Variants in TP53I3 observed in about 807,000 individuals in gnomAD.
TP53I3 encodes quinone oxidoreductase PIG3.
TP53I3 carries 32 observed loss-of-function variants against 27.7 expected under a neutral mutation model. The observed-to-expected ratio is 1.16, with a 90% CI of 0.87 to 1.55. The LOEUF is 1.55. Ranked by LOEUF, TP53I3 falls within the 40% of genes most tolerant of loss-of-function variation. The pLI is 0.00. For missense variants in TP53I3, 372 were observed against 412.3 expected, an observed-to-expected ratio of 0.90 and a Z score of 0.85; for synonymous variants, 138 against 167.8, an observed-to-expected ratio of 0.82 and a Z score of 1.37.
rs569842116 is a variant in TP53I3, at chr2:24,081,955, A to G, written c.407-924T>C. 1.7e-4 allele frequency among the ~76,000 whole-genome samples: 25 copies of G among 151,496 alleles called. No individual in the cohort carries two copies. The South Asian group carries it at 5.2e-3, about 32-fold the overall frequency. ...CATGATCCACCCACCTCAGCCGCCCAAAGTGCTGGGATTACAGGCGTGAGC... is the reference window on the plus strand; with the variant it reads ...CATGATCCACCCACCTCAGCCGCCCGAAGTGCTGGGATTACAGGCGTGAGC... On this transcript the variant is annotated intron_variant, in intron 2 of 4. Transcript: ENST00000238721.
rs915256047 is a variant in TP53I3, at chr2:24,077,771, G to A, written c.817-10C>T. 1 of 1,609,116 alleles carries A rather than the reference G, an allele frequency of 6.2e-7. No individual in the cohort carries two copies. The highest frequency in any genetic ancestry group is 1.1e-5 in the South Asian group (1 of 90,526). On this transcript the variant is annotated splice_polypyrimidine_tract_variant and intron_variant, in intron 4 of 4. Coordinates refer to ENST00000238721, the MANE Select transcript of TP53I3 (RefSeq NM_004881.5). The surrounding 1 kb of genome is among the most constrained non-coding windows in gnomAD (Gnocchi z 5.5). ...CCAGCATTTGCTTGTACTAAGACAAGGGAAAGGAGATCATCAGCCTGGGGA... is the reference window on the plus strand; with the variant it reads ...CCAGCATTTGCTTGTACTAAGACAAAGGAAAGGAGATCATCAGCCTGGGGA...
At chr2:24,079,926 C>A (rs1174350347) in intron 3 of TP53I3, among the ~76,000 whole-genome samples, 1 of 152,178 alleles carries the variant, frequency 6.6e-6, no homozygotes, top group African/African-American at 2.4e-5. Context: ...CCCACTGACA[C>A]CCAGGCACGA....
At position 24,084,163 on chromosome 2, in the gene TP53I3, C is replaced by T. The variant is rs1368139713; in HGVS notation, c.138+26G>A. On this transcript the variant is annotated intron_variant, in intron 1 of 4. Transcript: ENST00000238721. The surrounding 1 kb of genome is among the most constrained non-coding windows in gnomAD (Gnocchi z 8.4). ...GAGGGAGGCTCTGGAGTCCCGCCCG[C>T]CCCGGCGCGGCTGAGCCCTGGGTAC... The T allele has an allele frequency of 3.8e-6, 6 of 1,595,266 alleles. No individual in the cohort carries two copies. Among genetic ancestry groups the T allele is most frequent in the Non-Finnish European group, 4.3e-6 (5 of 1,172,476 alleles).
rs547556703 is a variant in TP53I3 at position 24,081,997 on chromosome 2, CTCTT to C, written c.406+884_406+887del. The stretch of plus-strand genomic sequence containing the variant: ...GGCGTGAGCCACCACGCCCAGCCTA[CTCTT>C]TCTTTTTCTTTGAGACAGAGTCTCA... On this transcript the variant is annotated intron_variant, in intron 2 of 4. Coordinates refer to ENST00000238721, the MANE Select transcript of TP53I3 (RefSeq NM_004881.5). 6.0e-5 allele frequency among the ~76,000 whole-genome samples: 9 copies of C among 151,080 alleles called. No individual in the cohort carries two copies. The South Asian group carries it at 1.9e-3, about 32-fold the overall frequency.
In TP53I3 at chr2:24,080,833, AGCGTT is replaced by A. The variant is rs748870898; in HGVS notation, c.600_604del (p.Thr201GlufsTer9). ...CAGTTGTTTACCTTTGGTGAATTTC[AGCGTT>A]GCTTCAGAGAAATCCTCTTTTTTGT... On this transcript the variant is annotated frameshift_variant, in exon 3 of 5. Coordinates refer to ENST00000238721, the MANE Select transcript of TP53I3 (RefSeq NM_004881.5). LOFTEE classifies it high-confidence loss of function. This position sits in a 1 kb window ranked among gnomAD's most constrained non-coding sequence, Gnocchi z 4.7. 1.1e-5 allele frequency: 18 copies of A among 1,614,204 alleles called. No homozygotes were observed. In the South Asian group the frequency reaches 1.9e-4, roughly 17 times the overall value.
rs952838944 is a variant in TP53I3 at position 24,084,084 on chromosome 2, G to A, written c.138+105C>T. ...AAGCCCCAGCGCAGCTGCCTGCTGG[G>A]TGTGGAGCGGTGCACGCCTTCACGT... On this transcript the variant is annotated intron_variant, in intron 1 of 4. Transcript: ENST00000238721. This position sits in a 1 kb window ranked among gnomAD's most constrained non-coding sequence, Gnocchi z 8.4. 4 of 1,450,038 alleles carry A rather than the reference G, an allele frequency of 2.8e-6. No homozygotes were observed. Among genetic ancestry groups the A allele is most frequent in the Non-Finnish European group, 3.6e-6 (4 of 1,100,650 alleles). The allele number at this position is 1,450,038 out of a possible 1,614,324, so 89.8% of individuals were successfully genotyped here.
Position 24,084,136 on chromosome 2 carries a change from G to A in TP53I3, c.138+53C>T. ...TGGTCAATGTCCACTGAGTGCTGTT[G>A]AGAGGGAGGCTCTGGAGTCCCGCCC... On this transcript the variant is annotated intron_variant, in intron 1 of 4. Transcript: ENST00000238721. This position sits in a 1 kb window ranked among gnomAD's most constrained non-coding sequence, Gnocchi z 8.4. 1.3e-6 allele frequency: 2 copies of A among 1,568,160 alleles called. No individual in the cohort carries two copies. Among genetic ancestry groups the A allele is most frequent in the Non-Finnish European group, 1.7e-6 (2 of 1,161,438 alleles).
At position 24,084,519 on chromosome 2, in the gene TP53I3, T is replaced by A; in HGVS notation, c.-193A>T. ...GCCCTGGTCTGCCGCGGACCCGGCC[T>A]CCGCCCCGAGCTCCTGCCTGGGAAG... On this transcript the variant is annotated 5_prime_UTR_variant, in exon 1 of 5. Coordinates refer to ENST00000238721, the MANE Select transcript of TP53I3 (RefSeq NM_004881.5). This position sits in a 1 kb window ranked among gnomAD's most constrained non-coding sequence, Gnocchi z 8.4. 1 of 722,834 alleles carries A rather than the reference T, an allele frequency of 1.4e-6. No individual in the cohort carries two copies. The highest frequency in any genetic ancestry group is 2.4e-5 in the South Asian group (1 of 40,976). The allele number at this position is 722,834 out of a possible 1,614,324, so 44.8% of individuals were successfully genotyped here.
chr2:24,079,598 T>C lies in TP53I3; in HGVS notation c.662A>G (p.Tyr221Cys), dbSNP rs1182908414. The C allele has an allele frequency of 1.2e-6, 2 of 1,613,942 alleles. No homozygotes were observed. The highest frequency in any genetic ancestry group is 1.7e-5 in the Admixed American group (1 of 59,986). ...CAGGCAGTTGACGTTCTTCTCCCAGTAGGATCCGCCTATGCAGTCTAGAAT... is the reference window on the plus strand; with the variant it reads ...CAGGCAGTTGACGTTCTTCTCCCAGCAGGATCCGCCTATGCAGTCTAGAAT... ...NLILDCIGGS[Y>C]WEKNVNCLAL... The change falls in exon 4 of 5, where the codon TAC (tyrosine) becomes TGC (cysteine). Residue 221 changes from tyrosine to cysteine, a missense_variant. Tyr to Cys is a radical substitution (Grantham distance 194). Transcript: ENST00000238721.
At chr2:24,079,128 A>C (rs1472659643) in intron 4 of TP53I3, 3 of 263,348 alleles carry the variant, frequency 1.1e-5, no homozygotes, top group Middle Eastern at 1.3e-3. Flanking sequence ...CACTGAGATG[A>C]ATTCTGCCTT....
In TP53I3 at chr2:24,077,901, A is replaced by C. The variant is rs1664829572; in HGVS notation, c.817-140T>G. On this transcript the variant is annotated intron_variant, in intron 4 of 4. Coordinates refer to ENST00000238721, the MANE Select transcript of TP53I3 (RefSeq NM_004881.5). The surrounding 1 kb of genome is among the most constrained non-coding windows in gnomAD (Gnocchi z 5.5). ...GACACTTAACCCCTCACTTCCTAGCATGTGTGTGAAATACCCTTGAAGGAG... is the reference window on the plus strand; with the variant it reads ...GACACTTAACCCCTCACTTCCTAGCCTGTGTGTGAAATACCCTTGAAGGAG... 3 of 842,942 alleles carry C rather than the reference A, an allele frequency of 3.6e-6. No homozygotes were observed. Among genetic ancestry groups the C allele is most frequent in the African/African-American group, 1.7e-5 (1 of 58,722 alleles). The allele number at this position is 842,942 out of a possible 1,614,324, so 52.2% of individuals were successfully genotyped here.
Position 24,082,976 on chromosome 2 carries a change from G to A in TP53I3, c.315C>T (p.Leu105=), listed in dbSNP as rs770889051. Residue 105 remains leucine (L), a synonymous_variant, in exon 2 of 5, where the codon CTC becomes CTT. Coordinates refer to ENST00000238721, the MANE Select transcript of TP53I3 (RefSeq NM_004881.5). ...QAQYVTVPEG[L]LMPIPEGLTL... is the part of the protein sequence containing the mutation. ...TCAATCCCTCTGGGATAGGCATGAGGAGCCCTTCGGGGACAGTGACGTACT... is the reference window on the plus strand; with the variant it reads ...TCAATCCCTCTGGGATAGGCATGAGAAGCCCTTCGGGGACAGTGACGTACT... 2.5e-6 allele frequency: 4 copies of A among 1,614,084 alleles called. No homozygotes were observed. Among genetic ancestry groups the A allele is most frequent in the Non-Finnish European group, 3.4e-6 (4 of 1,180,038 alleles).
intron 4 of TP53I3, among the ~76,000 whole-genome samples, chr2:24,078,421 A>G (rs948471283): frequency 6.7e-6 from 1 of 149,598 alleles, no homozygotes; most frequent in African/African-American, 2.5e-5. Context: ...TTAGCTACCC[A>G]GGAGGCTGAT....
At chr2:24,082,284 G>C (rs999078047) in intron 2 of TP53I3, among the ~76,000 whole-genome samples, 1 of 152,158 alleles carries the variant, frequency 6.6e-6, no homozygotes, top group Non-Finnish European at 1.5e-5. Flanking sequence ...TTGCCTGGCT[G>C]ATACTCTTTC....
At chr2:24,079,390 T>C (rs567335181) in intron 4 of TP53I3, 54 bp downstream of exon 4, 1 of 1,584,462 alleles carries the variant, frequency 6.3e-7, no homozygotes, top group Non-Finnish European at 8.6e-7. Flanking sequence ...GTAATGTAAA[T>C]GAACCACACT....
chr2:24,079,504 T>G lies in TP53I3; in HGVS notation c.756A>C (p.Ser252=). The G allele has an allele frequency of 6.2e-7, 1 of 1,614,140 alleles. No individual in the cohort carries two copies. The highest frequency in any genetic ancestry group is 2.2e-5 in the East Asian group (1 of 44,876). ...GACTTCCTCGCTTAAAAAGTAGCTTTGAAAACAGGGGCCCATTGATGTCAC... is the reference window on the plus strand; with the variant it reads ...GACTTCCTCGCTTAAAAAGTAGCTTGGAAAACAGGGGCCCATTGATGTCAC... ...GGGDINGPLF[S]KLLFKRGSLI... Residue 252 remains serine, a synonymous_variant, in exon 4 of 5, where the codon TCA becomes TCC. Transcript: ENST00000238721.
Position 24,084,252 on chromosome 2 carries a change from C to G in TP53I3, c.75G>C (p.Pro25=), listed in dbSNP as rs34704159. ...CCTTCAGGAGGACTTCACCCTCCCC[C>G]GGGCTCGGCTTGGCCACCTCCTTCA... ...LYVKEVAKPS[P]GEGEVLLKVA... The change falls in exon 1 of 5, where the codon CCG becomes CCC. Residue 25 remains proline, a synonymous_variant. Transcript: ENST00000238721. The surrounding 1 kb of genome is among the most constrained non-coding windows in gnomAD (Gnocchi z 8.4). The G allele has an allele frequency of 2.6e-5, 42 of 1,614,134 alleles. No homozygotes were observed. In the African/African-American group the frequency reaches 4.3e-4, roughly 16 times the overall value.
chr2:24,084,249 C>T lies in TP53I3; in HGVS notation c.78G>A (p.Gly26=), dbSNP rs776132443. Residue 26 remains glycine, a synonymous_variant, in exon 1 of 5, where the codon GGG becomes GGA. Coordinates refer to ENST00000238721, the MANE Select transcript of TP53I3 (RefSeq NM_004881.5). This position sits in a 1 kb window ranked among gnomAD's most constrained non-coding sequence, Gnocchi z 8.4. ...CCACCTTCAGGAGGACTTCACCCTC[C>T]CCCGGGCTCGGCTTGGCCACCTCCT... is the stretch of plus-strand genomic sequence containing the variant. ...YVKEVAKPSP[G]EGEVLLKVAA... is the part of the protein sequence containing the mutation. The T allele has an allele frequency of 5.0e-6, 8 of 1,614,008 alleles. No individual in the cohort carries two copies. The highest frequency in any genetic ancestry group is 5.9e-6 in the Non-Finnish European group (7 of 1,180,004).
At position 24,082,979 on chromosome 2, in the gene TP53I3, C is replaced by T. The variant is rs772494388; in HGVS notation, c.312G>A (p.Gly104=). 52 of 1,614,068 alleles carry T rather than the reference C, an allele frequency of 3.2e-5. No homozygotes were observed. The highest frequency in any genetic ancestry group is 2.7e-4 in the Admixed American group (16 of 60,002). The change falls in exon 2 of 5, where the codon GGG becomes GGA. Residue 104 remains glycine (G), a synonymous_variant. Coordinates refer to ENST00000238721, the MANE Select transcript of TP53I3 (RefSeq NM_004881.5). ...ATCCCTCTGGGATAGGCATGAGGAG[C>T]CCTTCGGGGACAGTGACGTACTGAG... ...GQAQYVTVPE[G]LLMPIPEGLT...
Sources: allele counts gnomAD v4.1 joint callset (sites outside exome capture counted in the v4.1 genomes callset), GRCh38; gene constraint gnomAD v4.1.1; non-coding constraint Gnocchi (gnomAD v3.1); transcripts MANE v1.5; gene names NCBI Gene and HGNC (gene_info 2026-07-23, HGNC 2026-07-21).